The following LUZP2 variants were observed in gnomAD, a reference collection of about 807,000 sequenced individuals.
LUZP2 encodes leucine zipper protein 2.
In LUZP2, 52 loss-of-function variants were observed where a neutral mutation model predicts 51.6. The ratio of observed to expected loss-of-function variants is 1.01; its 90% CI spans 0.81 to 1.27. The LOEUF is 1.27. Ranked by LOEUF, LUZP2 falls within the 50% of genes most tolerant of loss-of-function variation. LUZP2 has a pLI of 0.00. For missense variants in LUZP2, 436 were observed against 395.4 expected (o/e 1.10, Z -0.87); for synonymous variants, 154 against 137.3 (o/e 1.12, Z -0.85).
chr11:24,973,581 G>A (rs1590792431), intron 7 of LUZP2, among the ~76,000 whole-genome samples: 1 of 151,854 alleles, frequency 6.6e-6, no homozygotes, highest in Non-Finnish European at 1.5e-5. Flanking sequence ...GGCTTTTGGT[G>A]CTATAAATTT....
chr11:24,519,172 T>G (rs1417127051), intron 1 of LUZP2, among the ~76,000 whole-genome samples: 2 of 152,210 alleles, frequency 1.3e-5, no homozygotes, highest in East Asian at 3.8e-4. Flanking sequence ...TTACTCAGTT[T>G]GCTCTCACAG....
intron 7 of LUZP2, among the ~76,000 whole-genome samples, chr11:24,959,607 C>T (rs1855330834): frequency 2.0e-5 from 3 of 152,106 alleles, no homozygotes; most frequent in Admixed American, 2.0e-4. Flanking sequence ...ATTTTGTATC[C>T]TGAGACTTTG....
chr11:24,987,583 G>A (rs768418094), intron 9 of LUZP2, among the ~76,000 whole-genome samples: 2 of 151,834 alleles, frequency 1.3e-5, no homozygotes, highest in African/African-American at 4.8e-5. Context: ...CACAACTGTG[G>A]TATCTACTTA....
intron 1 of LUZP2, among the ~76,000 whole-genome samples, chr11:24,560,709 A>G (rs1852012497): frequency 6.6e-6 from 1 of 152,196 alleles, no homozygotes; most frequent in Admixed American, 6.6e-5. Context: ...AAGCTCTCCT[A>G]TGCGCTTCTC....
At chr11:24,860,786 A>G (rs1401568320) in intron 5 of LUZP2, among the ~76,000 whole-genome samples, 1 of 152,254 alleles carries the variant, frequency 6.6e-6, no homozygotes, top group East Asian at 1.9e-4. Context: ...GGCCCCCCCA[A>G]AAACCCTCCC....
chr11:25,006,372 C>T (rs536373855), intron 9 of LUZP2, among the ~76,000 whole-genome samples: 9 of 152,208 alleles, frequency 5.9e-5, no homozygotes, highest in Non-Finnish European at 1.2e-4. Flanking sequence ...GATAGTTCTG[C>T]TCATGGCCAC....
intron 5 of LUZP2, among the ~76,000 whole-genome samples, chr11:24,819,496 T>C (rs1283372698): frequency 6.6e-6 from 1 of 152,120 alleles, no homozygotes; most frequent in Non-Finnish European, 1.5e-5. Flanking sequence ...TGTTGACGTA[T>C]ATGCCCAGAA....
intron 1 of LUZP2, among the ~76,000 whole-genome samples, chr11:24,601,880 G>GTATATATA (rs574992968): frequency 3.8e-5 from 1 of 26,258 alleles, no homozygotes; most frequent in South Asian, 1.3e-3. Context: ...ATGTATACAT[G>GTATATATA]TATATATGTA....
chr11:24,969,912 G>A (rs115653403), intron 7 of LUZP2, among the ~76,000 whole-genome samples: 74 of 152,130 alleles, frequency 4.9e-4, no homozygotes, highest in African/African-American at 1.6e-3. Context: ...ACACACATGC[G>A]CGCGCACACA....
rs1032700912 is a variant in LUZP2 at position 25,082,628 on chromosome 11, T to G, written c.*3970T>G. The G allele has an allele frequency of 6.6e-6, 1 of 152,170 alleles. No homozygotes were observed. Among genetic ancestry groups the G allele is most frequent in the African/African-American group, 2.4e-5 (1 of 41,450 alleles). 9.4% of individuals were successfully genotyped at this position (152,170 alleles called of 1,614,324 possible). ...TGGCCTATTTTTGTTCAATAAAGAT[T>G]GTTACAAGAATACAATGTATATTAT... On this transcript the variant is annotated 3_prime_UTR_variant, in exon 12 of 12. Transcript: ENST00000336930.
At chr11:24,833,079 G>T (rs1052022680) in intron 5 of LUZP2, among the ~76,000 whole-genome samples, 1 of 152,122 alleles carries the variant, frequency 6.6e-6, no homozygotes, top group African/African-American at 2.4e-5. Flanking sequence ...ATGACATTCT[G>T]TAAAAATCTA....
At chr11:25,000,002 C>T (rs1040409450) in intron 9 of LUZP2, among the ~76,000 whole-genome samples, 1 of 152,154 alleles carries the variant, frequency 6.6e-6, no homozygotes, top group Middle Eastern at 3.4e-3. Context: ...CTTATTTGGC[C>T]CCGCCCATAT....
Position 24,819,476 on chromosome 11 carries a change from T to G in LUZP2, c.396+56168T>G, listed in dbSNP as rs190652730. Among the ~76,000 whole-genome samples, 98 of 152,246 alleles carry G rather than the reference T, an allele frequency of 6.4e-4. 1 individual carries two copies. Among genetic ancestry groups the G allele is most frequent in the African/African-American group, 1.9e-3 (80 of 41,566 alleles). On this transcript the variant is annotated intron_variant, in intron 5 of 11. Transcript: ENST00000336930. The stretch of plus-strand genomic sequence containing the variant: ...GGGATATTTGGATGACTTAGTGATT[T>G]AGACGTTTCTGTTGACGTATATGCC...
chr11:24,509,856 AT>A (rs1357745952), intron 1 of LUZP2, among the ~76,000 whole-genome samples: 5 of 152,052 alleles, frequency 3.3e-5, no homozygotes, highest in African/African-American at 1.2e-4. Context: ...AGACTTGCAA[AT>A]TTAATAATGT....
At chr11:24,926,408 CGTGTGTATATATAT>C (rs1854259819) in intron 7 of LUZP2, among the ~76,000 whole-genome samples, 4 of 53,084 alleles carry the variant, frequency 7.5e-5, no homozygotes, top group Non-Finnish European at 1.6e-4. Context: ...TATATATATA[CGTGTGTATATATAT>C]GTGTGTATAT....
chr11:24,542,910 GCA>G (rs923282673), intron 1 of LUZP2, among the ~76,000 whole-genome samples: 4 of 144,994 alleles, frequency 2.8e-5, no homozygotes, highest in Admixed American at 6.9e-5. Context: ...AAAAAGAACA[GCA>G]CACACACACA....
chr11:24,654,634 C>A (rs1426937350), intron 1 of LUZP2, among the ~76,000 whole-genome samples: 2 of 141,670 alleles, frequency 1.4e-5, no homozygotes, highest in Non-Finnish European at 3.1e-5. Context: ...CTCCCACCCC[C>A]ACCCCACCCA....
chr11:24,525,995 G>A (rs1194249769), intron 1 of LUZP2, among the ~76,000 whole-genome samples: 1 of 151,318 alleles, frequency 6.6e-6, no homozygotes, highest in African/African-American at 2.4e-5. Context: ...TTTTAGTGAA[G>A]ACACCAGACC....
chr11:24,921,114 A>G (rs1243773384), intron 7 of LUZP2, among the ~76,000 whole-genome samples: 3 of 152,088 alleles, frequency 2.0e-5, no homozygotes, highest in Admixed American at 6.6e-5. Flanking sequence ...AGGATTAACG[A>G]CAGGGACACA....
Sources: allele counts gnomAD v4.1 joint callset (sites outside exome capture counted in the v4.1 genomes callset), GRCh38; gene constraint gnomAD v4.1.1; transcripts MANE v1.5; gene names NCBI Gene and HGNC (gene_info 2026-07-23, HGNC 2026-07-21).